The following KCNK1 variants were observed in gnomAD, a reference collection of about 807,000 sequenced individuals.
KCNK1 encodes the protein potassium two pore domain channel subfamily K member 1, also known as potassium channel subfamily K member 1.
A neutral mutation model predicts 22.2 loss-of-function variants in KCNK1; 10 were observed. The observed-to-expected ratio is 0.45, with a 90% CI of 0.28 to 0.76. The LOEUF is 0.76. Ranked by LOEUF, KCNK1 falls within the 30% of genes least tolerant of loss-of-function variation. The pLI is 0.14. For missense variants in KCNK1, 378 were observed against 421.0 expected (o/e 0.90, Z 0.89); for synonymous variants, 200 against 186.4 (o/e 1.07, Z -0.60).
intron 1 of KCNK1, among the ~76,000 whole-genome samples, chr1:233,657,686 AAAAG>A (rs1056578411): frequency 2.1e-4 from 31 of 148,038 alleles, no homozygotes; most frequent in African/African-American, 4.9e-4. Context: ...AAAGAGAAAG[AAAAG>A]AAAGAAAGAG....
intron 1 of KCNK1, among the ~76,000 whole-genome samples, chr1:233,658,018 C>A (rs960483649): frequency 6.6e-6 from 1 of 152,112 alleles, no homozygotes; most frequent in African/African-American, 2.4e-5. Flanking sequence ...AGATGATCTT[C>A]ATTTGTGAGA....
chr1:233,661,748 G>C (rs1214986268), intron 1 of KCNK1: 2 of 152,218 alleles, frequency 1.3e-5, no homozygotes, highest in African/African-American at 2.4e-5. Flanking sequence ...GATGAACGGA[G>C]TTTATCCATG....
At chr1:233,621,417 G>A (rs1215220247) in intron 1 of KCNK1, among the ~76,000 whole-genome samples, 1 of 152,186 alleles carries the variant, frequency 6.6e-6, no homozygotes, top group Non-Finnish European at 1.5e-5. Context: ...TTTTTATTTA[G>A]TTGCACAAAA....
At chr1:233,651,494 G>A (rs1179455894) in intron 1 of KCNK1, among the ~76,000 whole-genome samples, 1 of 152,112 alleles carries the variant, frequency 6.6e-6, no homozygotes, top group African/African-American at 2.4e-5. Flanking sequence ...TATCCTCTCT[G>A]TTAGCTTCTT....
chr1:233,659,428 T>G (rs1242278064), intron 1 of KCNK1, among the ~76,000 whole-genome samples: 2 of 149,908 alleles, frequency 1.3e-5, no homozygotes, highest in East Asian at 4.1e-4. Context: ...ATTTTAAATA[T>G]TTTTTATTAA....
At chr1:233,652,218 T>C (rs143212897) in intron 1 of KCNK1, among the ~76,000 whole-genome samples, 1 of 152,134 alleles carries the variant, frequency 6.6e-6, no homozygotes, top group African/African-American at 2.4e-5. Flanking sequence ...GTGGGTTAGA[T>C]CTTTGGTTGT....
chr1:233,659,363 C>T (rs76350693), intron 1 of KCNK1, among the ~76,000 whole-genome samples: 2,210 of 150,820 alleles, frequency 0.015, 29 homozygotes, highest in Middle Eastern at 0.028. Flanking sequence ...ATGCTTTCTT[C>T]TGAATTCCTC....
intron 1 of KCNK1, among the ~76,000 whole-genome samples, chr1:233,657,232 C>T (rs1658313928): frequency 2.0e-5 from 3 of 152,172 alleles, no homozygotes; most frequent in Admixed American, 2.0e-4. Context: ...CGCTTTTTGT[C>T]CCCCTTCATC....
chr1:233,626,397 T>G (rs1322435395), intron 1 of KCNK1, among the ~76,000 whole-genome samples: 1 of 151,898 alleles, frequency 6.6e-6, no homozygotes, highest in Non-Finnish European at 1.5e-5. Context: ...CCCTTTTGGG[T>G]GTCCAGGAGG....
chr1:233,664,543 C>T lies in KCNK1; in HGVS notation c.356-2052C>T, dbSNP rs147660617. Among the ~76,000 whole-genome samples the T allele has an allele frequency of 2.6e-4, 40 of 152,208 alleles. 1 individual carries two copies. In the East Asian group the frequency reaches 6.6e-3, roughly 25 times the overall value. ...AGAGTAGTTCTTAACCATTTGAGGA[C>T]GCGTACCCCTTGAGAGAATCAAAGC... On this transcript the variant is annotated intron_variant, in intron 1 of 2. Transcript: ENST00000366621.
intron 1 of KCNK1, among the ~76,000 whole-genome samples, chr1:233,652,220 T>G (rs1658212861): frequency 1.3e-5 from 2 of 152,172 alleles, no homozygotes; most frequent in African/African-American, 2.4e-5. Flanking sequence ...GGGTTAGATC[T>G]TTGGTTGTTG....
In KCNK1 at chr1:233,671,354, A is replaced by G. The variant is rs1658593369; in HGVS notation, c.835A>G (p.Met279Val). ...CCATGAGCTGAAAAAATTCAGAAAA[A>G]TGTTCTATGTGAAGAAGGACAAGGA... ...ELHELKKFRK[M>V]FYVKKDKDED... The change falls in exon 3 of 3, where the codon ATG (methionine) becomes GTG (valine). Residue 279 changes from methionine to valine, a missense_variant. Transcript: ENST00000366621. The G allele has an allele frequency of 6.2e-7, 1 of 1,614,144 alleles. No homozygotes were observed. The highest frequency in any genetic ancestry group is 8.5e-7 in the Non-Finnish European group (1 of 1,180,026).
At chr1:233,623,851 G>T (rs1657635530) in intron 1 of KCNK1, among the ~76,000 whole-genome samples, 1 of 152,112 alleles carries the variant, frequency 6.6e-6, no homozygotes, top group Admixed American at 6.5e-5. Context: ...GCCTCCCAAA[G>T]TGCTGGGATT....
In KCNK1 at chr1:233,666,691, C is replaced by T. The variant is rs1463938845; in HGVS notation, c.452C>T (p.Ala151Val). The T allele has an allele frequency of 6.2e-7, 1 of 1,614,162 alleles. No individual in the cohort carries two copies. The highest frequency in any genetic ancestry group is 1.1e-5 in the South Asian group (1 of 91,076). ...GIPFTLLFLTAVVQRITVHVT... is the reference protein window; with the variant it reads ...GIPFTLLFLTVVVQRITVHVT... ...CCCTTCACCCTCCTGTTCCTGACGG[C>T]TGTGGTCCAGCGCATCACCGTGCAC... The change falls in exon 2 of 3, where the codon GCT (alanine) becomes GTT (valine). Residue 151 changes from alanine to valine, a missense_variant. Coordinates refer to ENST00000366621, the MANE Select transcript of KCNK1 (RefSeq NM_002245.4).
chr1:233,632,299 C>T (rs1190904894), intron 1 of KCNK1, among the ~76,000 whole-genome samples: 1 of 151,860 alleles, frequency 6.6e-6, no homozygotes, highest in African/African-American at 2.4e-5. Context: ...TTTTTTTCTC[C>T]CTAAAAATGT....
intron 1 of KCNK1, among the ~76,000 whole-genome samples, chr1:233,621,845 C>T (rs1355981578): frequency 6.6e-6 from 1 of 152,094 alleles, no homozygotes; most frequent in Non-Finnish European, 1.5e-5. Flanking sequence ...TATGACATAA[C>T]TGTGAGTCCT....
At chr1:233,623,084 TACA>T (rs531020635) in intron 1 of KCNK1, among the ~76,000 whole-genome samples, 2 of 152,146 alleles carry the variant, frequency 1.3e-5, no homozygotes, top group Non-Finnish European at 2.9e-5. Flanking sequence ...GAGTGTTAAA[TACA>T]ACATTTTCTC....
chr1:233,656,716 T>C (rs1658305803), intron 1 of KCNK1, among the ~76,000 whole-genome samples: 1 of 152,210 alleles, frequency 6.6e-6, no homozygotes, highest in African/African-American at 2.4e-5. Context: ...CCTCCCAGCC[T>C]CAATTGATCC....
chr1:233,614,201 C>G lies in KCNK1; in HGVS notation c.30C>G (p.Cys10Trp). The change falls in exon 1 of 3, where the codon TGC becomes TGG. Residue 10 changes from cysteine to tryptophan, a missense_variant. Transcript: ENST00000366621. MLQSLAGSS[C>W]VRLVERHRSA... ...TGCAGTCCCTGGCCGGCAGCTCGTGCGTGCGCCTGGTGGAGCGGCACCGCT... is the reference window on the plus strand; with the variant it reads ...TGCAGTCCCTGGCCGGCAGCTCGTGGGTGCGCCTGGTGGAGCGGCACCGCT... 1.2e-6 allele frequency: 2 copies of G among 1,608,296 alleles called. No individual in the cohort carries two copies. The highest frequency in any genetic ancestry group is 8.5e-7 in the Non-Finnish European group (1 of 1,179,528).
Sources: gnomAD v4.1 joint callset for allele counts (sites outside exome capture counted in the v4.1 genomes callset) on GRCh38, gnomAD v4.1.1 for gene constraint, MANE v1.5 for transcripts, NCBI Gene and HGNC (gene_info 2026-07-23, HGNC 2026-07-21) for gene names.